PTPRJ: variants seen among roughly 807,000 people sequenced by gnomAD.
PTPRJ encodes receptor-type tyrosine-protein phosphatase eta.
In PTPRJ, 129 loss-of-function variants were observed where a neutral mutation model predicts 141.3. The observed-to-expected ratio is 0.91, with a 90% CI of 0.79 to 1.06. PTPRJ has a LOEUF of 1.06. Ranked by LOEUF, PTPRJ falls within the 50% of genes least tolerant of loss-of-function variation. The probability of loss-of-function intolerance (pLI) is 0.00; values close to 1 mark genes in which losing one functional copy is unlikely to be tolerated. For synonymous variants in PTPRJ, 610 were observed against 640.5 expected (o/e 0.95, Z 0.72); for missense variants, 1,601 against 1,679.7 (o/e 0.95, Z 0.82).
intron 1 of PTPRJ, among the ~76,000 whole-genome samples, chr11:48,002,294 C>T (rs1363304736): frequency 6.6e-6 from 1 of 151,928 alleles, no homozygotes; most frequent in Non-Finnish European, 1.5e-5. Context: ...GCTGCCGCCA[C>T]ACCTGGCTAG....
intron 1 of PTPRJ, among the ~76,000 whole-genome samples, chr11:48,054,814 TTTC>T (rs970959513): frequency 6.8e-6 from 1 of 147,098 alleles, no homozygotes; most frequent in South Asian, 2.1e-4. Flanking sequence ...TTTTCCTTTC[TTTC>T]TTTTTTTTTT....
At chr11:48,161,790 A>AT (rs1565334741) in intron 22 of PTPRJ, among the ~76,000 whole-genome samples, 1 of 151,444 alleles carries the variant, frequency 6.6e-6, no homozygotes, top group Non-Finnish European at 1.5e-5. Flanking sequence ...TTTTTTTTGT[A>AT]TTTTTAATAG....
Position 48,121,017 on chromosome 11 carries a change from T to G in PTPRJ, c.367T>G (p.Phe123Val). 6.2e-7 allele frequency: 1 copy of G among 1,600,894 alleles called. No individual in the cohort carries two copies. ...TAACAATATAGGGCCCAGTCCTGTG[T>G]TTGACATTAAAGCTGTTTCCATCAG... ...TPSSTGPSPV[F>V]DIKAVSISPT... is the part of the protein sequence containing the mutation. Residue 123 changes from phenylalanine (F) to valine (V), a missense_variant, in exon 4 of 25, where the codon TTT becomes GTT. Coordinates refer to ENST00000418331, the MANE Select transcript of PTPRJ (RefSeq NM_002843.4).
rs753096960 is a variant in PTPRJ, at chr11:48,163,524, C to T, written c.3625C>T (p.Pro1209Ser). The T allele has an allele frequency of 1.2e-6, 2 of 1,613,662 alleles. No homozygotes were observed. The highest frequency in any genetic ancestry group is 1.1e-5 in the South Asian group (1 of 91,062). Reference protein sequence around the residue: ...HFTSWPDHGVPDTTDLLINFR... With the variant: ...HFTSWPDHGVSDTTDLLINFR... ...CACCTCCTGGCCAGACCACGGTGTT[C>T]CCGACACCACTGACCTGCTCATCAA... The change falls in exon 23 of 25, where the codon CCC becomes TCC. Residue 1209 changes from proline (P) to serine (S), a missense_variant. Pro to Ser is a moderately conservative substitution (Grantham distance 74). Transcript: ENST00000418331.
At chr11:48,104,076 G>A (rs1856227237) in intron 1 of PTPRJ, among the ~76,000 whole-genome samples, 1 of 152,226 alleles carries the variant, frequency 6.6e-6, no homozygotes, top group Admixed American at 6.5e-5. Context: ...TTGCAGATGA[G>A]GCAGGGAAGC....
chr11:48,043,604 G>A (rs1335243696), intron 1 of PTPRJ, among the ~76,000 whole-genome samples: 1 of 152,148 alleles, frequency 6.6e-6, no homozygotes, highest in African/African-American at 2.4e-5. Flanking sequence ...GCAGAAGAGG[G>A]AAGGAAATGG....
intron 1 of PTPRJ, among the ~76,000 whole-genome samples, chr11:48,051,772 T>C (rs1281874749): frequency 6.6e-6 from 1 of 152,234 alleles, no homozygotes; most frequent in Non-Finnish European, 1.5e-5. Flanking sequence ...CAGAAAATGA[T>C]ACTTCTCTGG....
chr11:48,008,867 A>G lies in PTPRJ; in HGVS notation c.96+27859A>G, dbSNP rs1486112810. 2.0e-5 allele frequency among the ~76,000 whole-genome samples: 3 copies of G among 152,188 alleles called. No individual in the cohort carries two copies. In the East Asian group the frequency reaches 5.8e-4, roughly 29 times the overall value. Reference sequence around the variant, plus strand: ...GTCGTGAGCCACCATGCCTGGCCACACCCCGGTTTATTGCATTTGCTTCTA... The same window carrying G: ...GTCGTGAGCCACCATGCCTGGCCACGCCCCGGTTTATTGCATTTGCTTCTA... On this transcript the variant is annotated intron_variant, in intron 1 of 24. Coordinates refer to ENST00000418331, the MANE Select transcript of PTPRJ (RefSeq NM_002843.4).
chr11:48,063,661 A>G (rs1436088169), intron 1 of PTPRJ, among the ~76,000 whole-genome samples: 1 of 152,152 alleles, frequency 6.6e-6, no homozygotes, highest in Admixed American at 6.6e-5. Context: ...TGACTGATAC[A>G]CTTGGCTGCC....
chr11:48,119,509 C>T (rs1013609035), intron 3 of PTPRJ, among the ~76,000 whole-genome samples: 2 of 152,156 alleles, frequency 1.3e-5, no homozygotes, highest in Non-Finnish European at 1.5e-5. Context: ...AGTGATTCTC[C>T]TGCCTCAGCT....
At chr11:47,982,883 G>T (rs1304969237) in intron 1 of PTPRJ, among the ~76,000 whole-genome samples, 2 of 151,740 alleles carry the variant, frequency 1.3e-5, no homozygotes, top group Non-Finnish European at 1.5e-5. Context: ...AACCTCAAAA[G>T]GACTCTCTTA....
intron 1 of PTPRJ, among the ~76,000 whole-genome samples, chr11:47,998,111 T>G (rs1438727408): frequency 5.3e-5 from 8 of 151,718 alleles, no homozygotes; most frequent in Non-Finnish European, 8.8e-5. Flanking sequence ...GGTCAGAACT[T>G]CAATCCTTGA....
chr11:48,078,105 C>G (rs1423437173), intron 1 of PTPRJ, among the ~76,000 whole-genome samples: 1 of 149,858 alleles, frequency 6.7e-6, no homozygotes, highest in Non-Finnish European at 1.5e-5. Flanking sequence ...GTTTCCCAGG[C>G]TGGAGTGCAA....
intron 22 of PTPRJ, among the ~76,000 whole-genome samples, 153 bp downstream of exon 22, chr11:48,160,202 T>C (rs1857732954): frequency 2.0e-5 from 3 of 152,272 alleles, no homozygotes; most frequent in Non-Finnish European, 4.4e-5. Flanking sequence ...TCCATATGCA[T>C]GTATACTCCA....
In PTPRJ at chr11:48,150,160, T is replaced by C; in HGVS notation, c.3115T>C (p.Cys1039Arg). 1 of 1,614,122 alleles carries C rather than the reference T, an allele frequency of 6.2e-7. No individual in the cohort carries two copies. Reference sequence around the variant, plus strand: ...CAAGAAGCAGCAAGCTGACTCCAACTGTGGGTTCGCAGAGGAATACGAAGT... The same window carrying C: ...CAAGAAGCAGCAAGCTGACTCCAACCGTGGGTTCGCAGAGGAATACGAAGT... Reference protein sequence around the residue: ...YFKKQQADSNCGFAEEYEDLK... With the variant: ...YFKKQQADSNRGFAEEYEDLK... Residue 1039 changes from cysteine to arginine, a missense_variant, in exon 18 of 25, where the codon TGT becomes CGT. By Grantham distance (180) the Cys-to-Arg change is radical. Transcript: ENST00000418331.
At chr11:48,088,361 T>TC (rs1855770620) in intron 1 of PTPRJ, among the ~76,000 whole-genome samples, 1 of 152,200 alleles carries the variant, frequency 6.6e-6, no homozygotes, top group Non-Finnish European at 1.5e-5. Flanking sequence ...CATCCCATGT[T>TC]CCCTCTTGAA....
chr11:48,138,675 TTA>T (rs1221716405), intron 10 of PTPRJ, among the ~76,000 whole-genome samples: 1 of 152,150 alleles, frequency 6.6e-6, no homozygotes, highest in African/African-American at 2.4e-5. Flanking sequence ...ATGCAGTATG[TTA>T]TGTGAGTAGA....
At chr11:48,137,507 G>A (rs1857133358) in intron 10 of PTPRJ, among the ~76,000 whole-genome samples, 1 of 152,180 alleles carries the variant, frequency 6.6e-6, no homozygotes, top group Non-Finnish European at 1.5e-5. Context: ...TCAAGTCCTT[G>A]CCTTCTTGGA....
chr11:48,025,572 G>A (rs1336682057), intron 1 of PTPRJ, among the ~76,000 whole-genome samples: 1 of 152,174 alleles, frequency 6.6e-6, no homozygotes, highest in Admixed American at 6.5e-5. Flanking sequence ...AGAGCAGGCA[G>A]AGCAGGTGCC....
Sources: allele counts gnomAD v4.1 joint callset (sites outside exome capture counted in the v4.1 genomes callset), GRCh38; gene constraint gnomAD v4.1.1; transcripts MANE v1.5; gene names NCBI Gene and HGNC (gene_info 2026-07-23, HGNC 2026-07-21).